The following DOCK3 variants were observed in gnomAD, a reference collection of about 807,000 sequenced individuals.
The protein encoded by DOCK3 is dedicator of cytokinesis protein 3.
Under a neutral mutation model 265.6 loss-of-function variants are expected in DOCK3, and 60 were observed. The observed-to-expected ratio is 0.23, with a 90% confidence interval of 0.18 to 0.28. The LOEUF (loss-of-function observed/expected upper bound fraction) is 0.28. Ranked by LOEUF, DOCK3 falls within the 10% of genes least tolerant of loss-of-function variation. The pLI is 1.00. For synonymous variants in DOCK3, 881 were observed against 938.0 expected (o/e 0.94, Z 1.11); for missense variants, 1,981 against 2,594.3 (o/e 0.76, Z 5.14).
intron 5 of DOCK3, among the ~76,000 whole-genome samples, chr3:51,063,865 G>A (rs1463679782): frequency 6.6e-6 from 1 of 152,146 alleles, no homozygotes; most frequent in Non-Finnish European, 1.5e-5. Flanking sequence ...TGAAAAGACT[G>A]GAAATCTGTT....
At chr3:50,801,726 G>A (rs1399024716) in intron 2 of DOCK3, among the ~76,000 whole-genome samples, 1 of 152,142 alleles carries the variant, frequency 6.6e-6, no homozygotes, top group Non-Finnish European at 1.5e-5. Context: ...TTGGTCTGTG[G>A]TGCAGTTTAA....
chr3:51,250,964 C>T lies in DOCK3; in HGVS notation c.2184+4157C>T, dbSNP rs74283371. 1.4e-3 allele frequency among the ~76,000 whole-genome samples: 214 copies of T among 152,260 alleles called. 3 individuals carry two copies. The East Asian group carries it at 0.034, about 24-fold the overall frequency. ...ATCTATATGCCATGTTGATGTGCTG[C>T]TCCCATTAACTCGTCATTTACATTA... On this transcript the variant is annotated intron_variant, in intron 22 of 52. Transcript: ENST00000266037.
chr3:51,148,510 A>G lies in DOCK3; in HGVS notation c.828+1880A>G, dbSNP rs182742416. Reference sequence around the variant, plus strand: ...TTAAGTCCTTAATCCATCTTGAATTAATTTTTGTATAAGGTGTAAGGAAGG... The same window carrying G: ...TTAAGTCCTTAATCCATCTTGAATTGATTTTTGTATAAGGTGTAAGGAAGG... On this transcript the variant is annotated intron_variant, in intron 10 of 52. Coordinates refer to ENST00000266037, the MANE Select transcript of DOCK3 (RefSeq NM_004947.5). Among the ~76,000 whole-genome samples, 295 of 152,246 alleles carry G rather than the reference A, an allele frequency of 1.9e-3. 3 individuals are homozygous for G. The highest frequency in any genetic ancestry group is 6.5e-3 in the African/African-American group (269 of 41,536).
At chr3:51,276,773 G>A (rs1560335256) in intron 25 of DOCK3, among the ~76,000 whole-genome samples, 1 of 152,142 alleles carries the variant, frequency 6.6e-6, no homozygotes, top group South Asian at 2.1e-4. Flanking sequence ...CGATGGATGG[G>A]TGAAAGATAG....
intron 7 of DOCK3, among the ~76,000 whole-genome samples, chr3:51,085,967 AC>A (rs2082404663): frequency 6.6e-6 from 1 of 152,210 alleles, no homozygotes; most frequent in African/African-American, 2.4e-5. Flanking sequence ...AGTCAGGGAT[AC>A]CCTAACCCAG....
At chr3:51,307,855 C>T (rs901349185) in intron 27 of DOCK3, among the ~76,000 whole-genome samples, 3 of 149,380 alleles carry the variant, frequency 2.0e-5, no homozygotes, top group Non-Finnish European at 4.4e-5. Flanking sequence ...CTGCTTCATG[C>T]AGCTGGGATG....
chr3:51,335,101 C>G (rs1423518303), intron 35 of DOCK3, among the ~76,000 whole-genome samples: 3 of 152,112 alleles, frequency 2.0e-5, no homozygotes, highest in African/African-American at 7.2e-5. Context: ...GAAAATCTAC[C>G]ACGAGTGCTC....
intron 32 of DOCK3, among the ~76,000 whole-genome samples, chr3:51,320,616 C>G (rs1469472988): frequency 6.6e-6 from 1 of 152,184 alleles, no homozygotes; most frequent in Admixed American, 6.5e-5. Context: ...CGAGGTCGAC[C>G]TGGGACACTC....
chr3:50,707,733 G>A (rs1267731417), intron 1 of DOCK3, among the ~76,000 whole-genome samples: 1 of 152,144 alleles, frequency 6.6e-6, no homozygotes. Context: ...AGTGATTACA[G>A]TGGTGGGCTG....
chr3:51,356,857 C>T (rs952090970), intron 43 of DOCK3, 105 bp from the exon 44 acceptor site: 69 of 1,345,950 alleles, frequency 5.1e-5, no homozygotes, highest in Non-Finnish European at 6.3e-5. Context: ...TTCACAGGAA[C>T]AAGGAAGGGG....
chr3:51,321,094 T>G (rs1180253874), intron 32 of DOCK3, among the ~76,000 whole-genome samples: 3 of 152,124 alleles, frequency 2.0e-5, no homozygotes, highest in Non-Finnish European at 4.4e-5. Flanking sequence ...TGGCATCTGG[T>G]GGGTGCCCTT....
At chr3:51,310,432 G>C in intron 28 of DOCK3, 106 bp downstream of exon 28, 1 of 1,031,156 alleles carries the variant, frequency 9.7e-7, no homozygotes, top group Non-Finnish European at 1.5e-6. Flanking sequence ...ATAAAGGCCA[G>C]GGCCATGGGA....
intron 6 of DOCK3, among the ~76,000 whole-genome samples, chr3:51,071,405 A>G (rs1168593938): frequency 6.6e-6 from 1 of 152,198 alleles, no homozygotes; most frequent in Non-Finnish European, 1.5e-5. Flanking sequence ...GCTCTGTGCT[A>G]CATCTGTATG....
chr3:51,288,831 A>T (rs2081561546), intron 27 of DOCK3, among the ~76,000 whole-genome samples: 1 of 151,388 alleles, frequency 6.6e-6, no homozygotes, highest in Non-Finnish European at 1.5e-5. Context: ...AACAGATTTT[A>T]TTTTTTATTT....
chr3:51,305,925 G>A (rs928404503), intron 27 of DOCK3, among the ~76,000 whole-genome samples: 1 of 132,172 alleles, frequency 7.6e-6, no homozygotes, highest in African/African-American at 2.9e-5. Context: ...TGCCACCACA[G>A]TCTTCCCAGG....
chr3:51,088,726 G>T (rs1172472212), intron 7 of DOCK3, among the ~76,000 whole-genome samples: 2 of 152,164 alleles, frequency 1.3e-5, no homozygotes, highest in Non-Finnish European at 2.9e-5. Context: ...CTCCTGGAGA[G>T]ATTAAGTGAT....
chr3:50,878,919 C>T (rs1450361934), intron 3 of DOCK3, among the ~76,000 whole-genome samples: 1 of 152,206 alleles, frequency 6.6e-6, no homozygotes, highest in African/African-American at 2.4e-5. Context: ...ATCAGACTAA[C>T]AGCAGATCTC....
intron 21 of DOCK3, among the ~76,000 whole-genome samples, chr3:51,246,418 G>A (rs2078845209): frequency 6.6e-6 from 1 of 151,938 alleles, no homozygotes; most frequent in African/African-American, 2.4e-5. Context: ...TTTTTTTGTA[G>A]AGATAAGGTT....
chr3:51,251,398 T>C (rs1294381717), intron 22 of DOCK3, among the ~76,000 whole-genome samples: 1 of 152,252 alleles, frequency 6.6e-6, no homozygotes, highest in Non-Finnish European at 1.5e-5. Flanking sequence ...ATGGGATGGC[T>C]TGGGCAAATG....
Sources: allele counts gnomAD v4.1 joint callset (sites outside exome capture counted in the v4.1 genomes callset), GRCh38; gene constraint gnomAD v4.1.1; transcripts MANE v1.5; gene names NCBI Gene and HGNC (gene_info 2026-07-23, HGNC 2026-07-21).